Variants in USP3 observed in about 807,000 individuals in gnomAD.
USP3 encodes the protein ubiquitin specific peptidase 3.
A neutral mutation model predicts 72.3 loss-of-function variants in USP3; 20 were observed. The observed-to-expected ratio is 0.28, with a 90% confidence interval of 0.19 to 0.40. The LOEUF (loss-of-function observed/expected upper bound fraction) is 0.40, where lower values mean the gene tolerates loss of function less well. USP3 is among the 10% of genes least tolerant of loss of function. USP3 has a pLI of 1.00. For synonymous variants in USP3, 222 were observed against 225.3 expected (o/e 0.99, Z 0.13); for missense variants, 479 against 633.9 (o/e 0.76, Z 2.62).
intron 11 of USP3, among the ~76,000 whole-genome samples, chr15:63,582,877 A>G (rs542431273): frequency 2.6e-5 from 4 of 151,704 alleles, no homozygotes; most frequent in Non-Finnish European, 5.9e-5. Context: ...AGAGCAGTCT[A>G]GTATTTATGT....
chr15:63,572,345 G>C (rs2066792618), intron 9 of USP3, among the ~76,000 whole-genome samples: 1 of 151,680 alleles, frequency 6.6e-6, no homozygotes, highest in Admixed American at 6.6e-5. Context: ...AGCATGAAAG[G>C]GTCAGTTAGA....
rs138468668 is a variant in USP3 at position 63,557,132 on chromosome 15, G to A, written c.450+384G>A. 3.4e-3 allele frequency among the ~76,000 whole-genome samples: 515 copies of A among 152,274 alleles called. 3 individuals are homozygous for A. Among genetic ancestry groups the A allele is most frequent in the African/African-American group, 0.012 (496 of 41,556 alleles). On this transcript the variant is annotated intron_variant, in intron 5 of 14. Coordinates refer to ENST00000380324, the MANE Select transcript of USP3 (RefSeq NM_006537.4). Reference sequence around the variant, plus strand: ...GTAGCCCAGGCTGGAGTACAGTGGCGCAGTCTCGGCTCACTGGAACCTCTG... The same window carrying A: ...GTAGCCCAGGCTGGAGTACAGTGGCACAGTCTCGGCTCACTGGAACCTCTG...
chr15:63,538,570 A>G (rs2152662445), intron 3 of USP3, among the ~76,000 whole-genome samples: 1 of 150,098 alleles, frequency 6.7e-6, no homozygotes, highest in Non-Finnish European at 1.5e-5. Flanking sequence ...TTTTTTTGAA[A>G]CAGTCTTGCT....
intron 3 of USP3, among the ~76,000 whole-genome samples, chr15:63,547,825 AGAGAGAGAGAGGGAGGGAGG>A: frequency 2.8e-5 from 3 of 105,790 alleles, no homozygotes; most frequent in South Asian, 3.2e-4. Context: ...ATAGAGAGAG[AGAGAGAGAGAGGGAGGGAGG>A]GAGAGAGAGA....
chr15:63,586,580 T>TAGTC (rs1169961659), intron 11 of USP3: 1 of 152,274 alleles, frequency 6.6e-6, no homozygotes, highest in African/African-American at 2.4e-5. Flanking sequence ...GTCTGCTGTG[T>TAGTC]AGTCAGTGCT....
intron 2 of USP3, among the ~76,000 whole-genome samples, chr15:63,534,509 CA>C (rs1378194200): frequency 6.6e-6 from 1 of 152,004 alleles, no homozygotes; most frequent in Non-Finnish European, 1.5e-5. Flanking sequence ...TGCTGTAGAC[CA>C]AAATGTCTAG....
intron 3 of USP3, among the ~76,000 whole-genome samples, chr15:63,547,910 C>CATAGAGAGAGGA: frequency 1.1e-5 from 1 of 95,058 alleles, no homozygotes; most frequent in East Asian, 2.3e-4. Context: ...TAGAGAGAGG[C>CATAGAGAGAGGA]ATATAGTGGC....
In USP3 at chr15:63,537,061, T is replaced by C; in HGVS notation, c.189T>C (p.Asp63=). The change falls in exon 3 of 15, where the codon GAT becomes GAC. Residue 63 remains aspartate (D), a synonymous_variant. Coordinates refer to ENST00000380324, the MANE Select transcript of USP3 (RefSeq NM_006537.4). ...VNGHAKKHYE[D]AQVPLTNHKK... is the part of the protein sequence containing the mutation. The stretch of plus-strand genomic sequence containing the variant: ...GCCATGCAAAAAAACATTATGAAGA[T>C]GCACAAGTACCTTTAACCAACCATA... 1 of 1,614,046 alleles carries C rather than the reference T, an allele frequency of 6.2e-7. No homozygotes were observed. The highest frequency in any genetic ancestry group is 8.5e-7 in the Non-Finnish European group (1 of 1,179,964).
chr15:63,557,761 GT>G (rs2066537928), intron 5 of USP3, among the ~76,000 whole-genome samples: 2 of 152,090 alleles, frequency 1.3e-5, no homozygotes, highest in South Asian at 4.1e-4. Flanking sequence ...ATTTCTCTTA[GT>G]TTTTATAGAA....
At chr15:63,586,414 C>G (rs1238552291) in intron 11 of USP3, among the ~76,000 whole-genome samples, 1 of 152,108 alleles carries the variant, frequency 6.6e-6, no homozygotes. Flanking sequence ...TTCCTTATTT[C>G]TTATTCTCCC....
chr15:63,519,377 G>A (rs1035850202), intron 1 of USP3, among the ~76,000 whole-genome samples: 2 of 143,004 alleles, frequency 1.4e-5, no homozygotes, highest in Non-Finnish European at 3.1e-5. Flanking sequence ...TGTTATTTTT[G>A]AAGAGTTCAT....
Position 63,563,008 on chromosome 15 carries a change from G to C in USP3, c.761G>C (p.Arg254Thr), listed in dbSNP as rs771129588. The part of the protein sequence containing the change: ...YVVWKIMPNF[R>T]GYQQQDAHEF... ...GTTTGGAAGATTATGCCAAACTTTA[G>C]GTAAGTATTATATGAAGATATTTTT... Residue 254 changes from arginine to threonine, a missense_variant and splice_region_variant, in exon 8 of 15, where the codon AGG becomes ACG. Coordinates refer to ENST00000380324, the MANE Select transcript of USP3 (RefSeq NM_006537.4). 1 of 1,597,806 alleles carries C rather than the reference G, an allele frequency of 6.3e-7. No individual in the cohort carries two copies. The highest frequency in any genetic ancestry group is 8.6e-7 in the Non-Finnish European group (1 of 1,169,050).
In USP3 at chr15:63,588,635, A is replaced by G. The variant is rs2067122802; in HGVS notation, c.1216-67A>G. 2 of 1,175,960 alleles carry G rather than the reference A, an allele frequency of 1.7e-6. No individual in the cohort carries two copies. The highest frequency in any genetic ancestry group is 3.0e-5 in the African/African-American group (2 of 65,898). The allele number at this position is 1,175,960 out of a possible 1,614,324, so 72.8% of individuals were successfully genotyped here. A position where few individuals can be genotyped will look rare whatever the true frequency, so the allele number is the denominator to read the frequency against. On this transcript the variant is annotated intron_variant, in intron 12 of 14. Coordinates refer to ENST00000380324, the MANE Select transcript of USP3 (RefSeq NM_006537.4). The surrounding 1 kb of genome is among the most constrained non-coding windows in gnomAD (Gnocchi z 4.6). ...AAATGTTATTTACTGAACTGATAGT[A>G]GTATCAAACTTTGACTGAAAGGTAA...
intron 3 of USP3, chr15:63,551,879 G>A (rs1042699218): frequency 4.6e-5 from 7 of 152,162 alleles, no homozygotes; most frequent in African/African-American, 7.2e-5. Flanking sequence ...CAACTGGCCT[G>A]GAAGAACAGA....
In USP3 at chr15:63,588,142, G is replaced by A. The variant is rs1409090553; in HGVS notation, c.1097-163G>A. ...CTCTTCCTTATAATAGTTCTTCAAA[G>A]TAGGTATTATTTTTTGTCTCCAGTT... On this transcript the variant is annotated intron_variant, in intron 11 of 14. Coordinates refer to ENST00000380324, the MANE Select transcript of USP3 (RefSeq NM_006537.4). This position sits in a 1 kb window ranked among gnomAD's most constrained non-coding sequence, Gnocchi z 4.6. 1.5e-5 allele frequency: 8 copies of A among 531,740 alleles called. No homozygotes were observed. The highest frequency in any genetic ancestry group is 3.7e-5 in the Admixed American group (1 of 27,004). 32.9% of individuals were successfully genotyped at this position (531,740 alleles called of 1,614,324 possible). A position where few individuals can be genotyped will look rare whatever the true frequency, so the allele number is the denominator to read the frequency against.
rs74644781 is a variant in USP3, at chr15:63,535,775, G to A, written c.153-1250G>A. ...TTTGAAGTTGATCCTTCCCAGTTACGGTAACTCTCCTACTTCCTCCAAGGT... is the reference window on the plus strand; with the variant it reads ...TTTGAAGTTGATCCTTCCCAGTTACAGTAACTCTCCTACTTCCTCCAAGGT... On this transcript the variant is annotated intron_variant, in intron 2 of 14. Coordinates refer to ENST00000380324, the MANE Select transcript of USP3 (RefSeq NM_006537.4). 2.6e-3 allele frequency among the ~76,000 whole-genome samples: 390 copies of A among 152,242 alleles called. 1 individual carries two copies. Among genetic ancestry groups the A allele is most frequent in the African/African-American group, 8.9e-3 (371 of 41,542 alleles).
rs1567097414 is a variant in USP3 at position 63,529,829 on chromosome 15, T to C, written c.92-2818T>C. Among the ~76,000 whole-genome samples, 2 of 152,314 alleles carry C rather than the reference T, an allele frequency of 1.3e-5. No individual in the cohort carries two copies. Among genetic ancestry groups the C allele is most frequent in the East Asian group, 3.9e-4 (2 of 5,186 alleles). ...TCCATAATTAAAAAAATATCCTGGGTAGTTAAAAACTTGGGCCTAGGCCAG... is the reference window on the plus strand; with the variant it reads ...TCCATAATTAAAAAAATATCCTGGGCAGTTAAAAACTTGGGCCTAGGCCAG... On this transcript the variant is annotated intron_variant, in intron 1 of 14. Coordinates refer to ENST00000380324, the MANE Select transcript of USP3 (RefSeq NM_006537.4). The surrounding 1 kb of genome is among the most constrained non-coding windows in gnomAD (Gnocchi z 4.2).
chr15:63,571,753 C>A (rs975833268), intron 9 of USP3, among the ~76,000 whole-genome samples: 1 of 152,072 alleles, frequency 6.6e-6, no homozygotes, highest in Non-Finnish European at 1.5e-5. Flanking sequence ...TCTTTTAGTG[C>A]CTCATGAGTT....
chr15:63,530,713 C>G (rs1324764451), intron 1 of USP3: 2 of 349,776 alleles, frequency 5.7e-6, no homozygotes, highest in East Asian at 2.0e-4. Context: ...CCATGAATAG[C>G]TGTTCAAGTA....
Sources: allele counts gnomAD v4.1 joint callset (sites outside exome capture counted in the v4.1 genomes callset), GRCh38; gene constraint gnomAD v4.1.1; non-coding constraint Gnocchi (gnomAD v3.1); transcripts MANE v1.5; gene names NCBI Gene and HGNC (gene_info 2026-07-23, HGNC 2026-07-21).